Variants in BICDL2 observed in about 807,000 individuals in gnomAD.
BICDL2 encodes BICD family-like cargo adapter 2.
Under a neutral mutation model 56.6 loss-of-function variants are expected in BICDL2, and 62 were observed. That is an observed-to-expected ratio of 1.10 (90% confidence interval 0.89 to 1.35). The LOEUF is 1.35. BICDL2 is among the 40% of genes most tolerant of loss of function. BICDL2 has a pLI of 0.00. For synonymous variants in BICDL2, 358 were observed against 319.8 expected (o/e 1.12, Z -1.27); for missense variants, 808 against 684.5 (o/e 1.18, Z -2.01).
chr16:3,035,137 TC>T, intron 2 of BICDL2, 77 bp downstream of exon 2: 1 of 1,263,686 alleles, frequency 7.9e-7, no homozygotes, highest in Non-Finnish European at 1.1e-6. Context: ...CTTGCCTGAC[TC>T]CCTTCCCTTG....
chr16:3,035,186 C>T, intron 2 of BICDL2, 29 bp downstream of exon 2: 2 of 155,090 alleles, frequency 1.3e-5, no homozygotes, highest in Non-Finnish European at 1.3e-5. Context: ...TGCCCACCCA[C>T]CCACCCACCC....
chr16:3,031,444 C>T (rs912787267), intron 2 of BICDL2: 6 of 530,774 alleles, frequency 1.1e-5, no homozygotes, highest in East Asian at 3.0e-5. Flanking sequence ...GACCTGAGGT[C>T]GCAAGCGCCG....
In BICDL2 at chr16:3,028,374, G is replaced by C; in HGVS notation, c.1333C>G (p.Leu445Val). The change falls in exon 9 of 10, where the codon CTC (leucine) becomes GTC (valine). Residue 445 changes from leucine to valine, a missense_variant. Coordinates refer to ENST00000572449, the MANE Select transcript of BICDL2 (RefSeq NM_001369667.1). ...LLRAIRQKVA[L>V]TQELEAWQDD... The stretch of plus-strand genomic sequence containing the variant: ...TGCCAGGCCTCCAGCTCCTGCGTGA[G>C]CGCCACCTTCTGGCGGATGGCGCGC... 1.3e-6 allele frequency: 2 copies of C among 1,551,188 alleles called. No homozygotes were observed. The highest frequency in any genetic ancestry group is 2.3e-5 in the South Asian group (2 of 85,674).
At chr16:3,036,750 A>G in intron 1 of BICDL2, 144 bp downstream of exon 1, 1 of 380,894 alleles carries the variant, frequency 2.6e-6, no homozygotes, top group Admixed American at 3.5e-5. Flanking sequence ...CCGACGGCTG[A>G]GTTCCTGCCG....
At chr16:3,035,185 A>ACCCCCCCCCC (rs1567424265) in intron 2 of BICDL2, 30 bp downstream of exon 2, 1 of 41,126 alleles carries the variant, frequency 2.4e-5, no homozygotes, top group South Asian at 2.1e-4. Context: ...CTGCCCACCC[A>ACCCCCCCCCC]CCCACCCACC....
At chr16:3,030,325 C>A in intron 5 of BICDL2, 124 bp downstream of exon 5, 1 of 1,275,660 alleles carries the variant, frequency 7.8e-7, no homozygotes, top group Non-Finnish European at 1.1e-6. Flanking sequence ...TGGGCTAATG[C>A]CCATGCTCTT....
intron 2 of BICDL2, chr16:3,031,776 C>G (rs1220124993): frequency 7.9e-6 from 3 of 378,068 alleles, no homozygotes; most frequent in Admixed American, 4.5e-5. Context: ...TGCAGCGACT[C>G]GCAGGTACCC....
chr16:3,033,571 A>G (rs1013857131), intron 2 of BICDL2, among the ~76,000 whole-genome samples: 6 of 152,176 alleles, frequency 3.9e-5, no homozygotes, highest in African/African-American at 1.4e-4. Flanking sequence ...GGTTGAGCCC[A>G]GGAGTTTGAG....
intron 1 of BICDL2, chr16:3,036,530 A>G: frequency 2.2e-6 from 1 of 455,342 alleles, no homozygotes; most frequent in Non-Finnish European, 4.4e-6. Flanking sequence ...GCAGGACGTG[A>G]GTGTCACGGT....
Position 3,035,488 on chromosome 16 carries a change from A to G in BICDL2, c.9T>C (p.Ser3=). Residue 3 remains serine (S), a synonymous_variant, in exon 2 of 10, where the codon TCT becomes TCC. Coordinates refer to ENST00000572449, the MANE Select transcript of BICDL2 (RefSeq NM_001369667.1). The part of the protein sequence containing the change: MS[S]PDGPSFPSGP... ...CGGACGGGAAGCTGGGCCCATCTGG[A>G]GAGCTCATGTCACCTGCAGCATCTG... The G allele has an allele frequency of 6.2e-7, 1 of 1,608,798 alleles. No homozygotes were observed. The highest frequency in any genetic ancestry group is 1.1e-5 in the South Asian group (1 of 91,000).
chr16:3,036,016 G>A (rs1210548834), intron 1 of BICDL2: 5 of 320,016 alleles, frequency 1.6e-5, no homozygotes, highest in Non-Finnish European at 6.1e-6. Flanking sequence ...CCTGCCAGAA[G>A]CCCAGATCCC....
Position 3,035,418 on chromosome 16 carries a change from A to T in BICDL2, c.79T>A (p.Phe27Ile). 6.2e-7 allele frequency: 1 copy of T among 1,612,634 alleles called. No homozygotes were observed. ...TCCCGCCGCTCCAGCACAAAGGGGA[A>T]GAAGCCCTCGTCGCCGCTGGGAGAG... ...GASPSGDEGF[F>I]PFVLERRDSF... is the part of the protein sequence containing the mutation. The change falls in exon 2 of 10, where the codon TTC (phenylalanine) becomes ATC (isoleucine). Residue 27 changes from phenylalanine (F) to isoleucine (I), a missense_variant. Transcript: ENST00000572449.
intron 5 of BICDL2, chr16:3,030,121 C>G (rs1955630542): frequency 4.2e-6 from 2 of 473,700 alleles, no homozygotes; most frequent in Non-Finnish European, 7.5e-6. Flanking sequence ...CCTTTGATCT[C>G]TAACATCAGA....
At position 3,035,276 on chromosome 16, in the gene BICDL2, C is replaced by T. The variant is rs771273849; in HGVS notation, c.221G>A (p.Arg74Gln). 14 of 1,551,888 alleles carry T rather than the reference C, an allele frequency of 9.0e-6. No individual in the cohort carries two copies. The highest frequency in any genetic ancestry group is 5.9e-5 in the Admixed American group (3 of 51,044). The change falls in exon 2 of 10, where the codon CGA becomes CAA. Residue 74 changes from arginine (R) to glutamine (Q), a missense_variant. Coordinates refer to ENST00000572449, the MANE Select transcript of BICDL2 (RefSeq NM_001369667.1). Reference sequence around the variant, plus strand: ...CAGCTGCCGCCGCAGCTCTTCATTTCGCTCCAGAAGCATCTTGCCGAGCTC... The same window carrying T: ...CAGCTGCCGCCGCAGCTCTTCATTTTGCTCCAGAAGCATCTTGCCGAGCTC... ...AAELGKMLLERNEELRRQLET... is the reference protein window; with the variant it reads ...AAELGKMLLEQNEELRRQLET...
At chr16:3,031,178 G>C in intron 2 of BICDL2, 28 bp from the exon 3 acceptor site, 1 of 1,523,824 alleles carries the variant, frequency 6.6e-7, no homozygotes, top group African/African-American at 1.4e-5. Flanking sequence ...GAGGGACAGA[G>C]GCAGAGAGGC....
At chr16:3,031,396 T>G in intron 2 of BICDL2, 1 of 566,496 alleles carries the variant, frequency 1.8e-6, no homozygotes, top group Non-Finnish European at 3.1e-6. Context: ...GGGGGATCTC[T>G]GATGACCACT....
rs566987864 is a variant in BICDL2, at chr16:3,028,979, T to C, written c.1108-149A>G. 21 of 1,062,094 alleles carry C rather than the reference T, an allele frequency of 2.0e-5. 1 individual carries two copies. Among genetic ancestry groups the C allele is most frequent in the Middle Eastern group, 3.1e-4 (1 of 3,196 alleles). The allele number at this position is 1,062,094 out of a possible 1,614,324, so 65.8% of individuals were successfully genotyped here. A position where few individuals can be genotyped will look rare whatever the true frequency, so the allele number is the denominator to read the frequency against. ...TGGCCCTGTGCTGGAGACTCCGATA[T>C]GAGCCCTCTGAGCCCCTCAGGCTGG... On this transcript the variant is annotated intron_variant, in intron 7 of 9. Transcript: ENST00000572449.
chr16:3,029,813 C>T, intron 5 of BICDL2, 74 bp from the exon 6 acceptor site: 1 of 1,312,966 alleles, frequency 7.6e-7, no homozygotes, highest in Non-Finnish European at 1.0e-6. Context: ...CGCGGCAGGT[C>T]CACACGGGGG....
rs113820545 is a variant in BICDL2, at chr16:3,034,658, CTCCTTCCTTCCT to C, written c.282+545_282+556del. Among the ~76,000 whole-genome samples the C allele has an allele frequency of 4.0e-3, 516 of 128,874 alleles. 2 individuals carry two copies. The highest frequency in any genetic ancestry group is 0.011 in the African/African-American group (359 of 32,220). 84.5% of individuals were successfully genotyped at this position (128,874 alleles called of 152,430 possible). ...TTTCCTTTTTTTCTTTTCTTTCTCT[CTCCTTCCTTCCT>C]TCCTTCCTTCCTTCCTTCCTTCCCC... is the stretch of plus-strand genomic sequence containing the variant. On this transcript the variant is annotated intron_variant, in intron 2 of 9. Coordinates refer to ENST00000572449, the MANE Select transcript of BICDL2 (RefSeq NM_001369667.1).
Sources: allele counts gnomAD v4.1 joint callset (sites outside exome capture counted in the v4.1 genomes callset), GRCh38; gene constraint gnomAD v4.1.1; transcripts MANE v1.5; gene names NCBI Gene and HGNC (gene_info 2026-07-23, HGNC 2026-07-21).